The following LRRC7 variants were observed in gnomAD, a reference collection of about 807,000 sequenced individuals.
The protein encoded by LRRC7 is leucine-rich repeat-containing protein 7.
In LRRC7, 23 loss-of-function variants were observed where a neutral mutation model predicts 175.7. That is an observed-to-expected ratio of 0.13 (90% CI 0.09 to 0.19). The LOEUF (loss-of-function observed/expected upper bound fraction) is 0.19. Ranked by LOEUF, LRRC7 falls within the 10% of genes least tolerant of loss-of-function variation. LRRC7 has a pLI of 1.00. For missense variants in LRRC7, 1,354 were observed against 1,904.7 expected, an observed-to-expected ratio of 0.71 and a Z score of 5.38; for synonymous variants, 685 against 680.9, an observed-to-expected ratio of 1.01 and a Z score of -0.09.
At chr1:69,573,839 G>C (rs1392707267) in intron 1 of LRRC7, among the ~76,000 whole-genome samples, 1 of 152,134 alleles carries the variant, frequency 6.6e-6, no homozygotes, top group Non-Finnish European at 1.5e-5. Flanking sequence ...AATAGTAGTT[G>C]TCAGGGATGA....
At chr1:69,781,778 AAAGAAAGAAAGGAAGGAAGG>A (rs1673661722) in intron 3 of LRRC7, among the ~76,000 whole-genome samples, 5 of 61,414 alleles carry the variant, frequency 8.1e-5, no homozygotes, top group African/African-American at 2.3e-4. Context: ...AGAAAGAAAG[AAAGAAAGAAAGGAAGGAAGG>A]AAGGAAGGAA....
intron 2 of LRRC7, among the ~76,000 whole-genome samples, chr1:69,723,712 A>G (rs1307521285): frequency 6.6e-6 from 1 of 152,134 alleles, no homozygotes; most frequent in Non-Finnish European, 1.5e-5. Flanking sequence ...TATTTCTTAC[A>G]GTTCTGGAGG....
At chr1:70,088,731 G>T (rs191733929) in intron 24 of LRRC7, among the ~76,000 whole-genome samples, 2 of 151,946 alleles carry the variant, frequency 1.3e-5, no homozygotes, top group African/African-American at 4.8e-5. Flanking sequence ...TCCTGCTCAG[G>T]GTCTCCAGGA....
intron 2 of LRRC7, among the ~76,000 whole-genome samples, chr1:69,690,514 G>T (rs1455060651): frequency 6.6e-6 from 1 of 152,054 alleles, no homozygotes; most frequent in Admixed American, 6.6e-5. Flanking sequence ...GGATTTTTTT[G>T]AATAAAATTT....
intron 4 of LRRC7, among the ~76,000 whole-genome samples, chr1:69,801,388 T>C (rs1412253856): frequency 6.6e-6 from 1 of 151,748 alleles, no homozygotes; most frequent in South Asian, 2.1e-4. Context: ...TGATTCTATC[T>C]CACCACTCAT....
At chr1:69,894,971 A>G (rs1188425683) in intron 7 of LRRC7, among the ~76,000 whole-genome samples, 1 of 152,224 alleles carries the variant, frequency 6.6e-6, no homozygotes, top group Non-Finnish European at 1.5e-5. Context: ...TCACACCTGT[A>G]ATCCCAGCAC....
Position 69,568,296 on chromosome 1 carries a change from C to CGCTGCT in LRRC7, c.-338_-333dup. ...CCTCCGCCACCGCCGCCGCCGCCGC[C>CGCTGCT]GCTGCTGCTGCGGTCGCTAGCGCGG... On this transcript the variant is annotated 5_prime_UTR_variant, in exon 1 of 27. Transcript: ENST00000651989. The CGCTGCT allele has an allele frequency of 5.1e-6, 1 of 196,540 alleles. No individual in the cohort carries two copies. Among genetic ancestry groups the CGCTGCT allele is most frequent in the Non-Finnish European group, 1.0e-5 (1 of 99,918 alleles). 12.2% of individuals were successfully genotyped at this position (196,540 alleles called of 1,614,324 possible).
chr1:69,611,215 CT>C (rs1321997897), intron 1 of LRRC7, among the ~76,000 whole-genome samples: 4 of 151,892 alleles, frequency 2.6e-5, no homozygotes, highest in African/African-American at 7.2e-5. Flanking sequence ...CCACCTTTAT[CT>C]TTTTTTCATA....
intron 7 of LRRC7, among the ~76,000 whole-genome samples, chr1:69,875,481 G>C (rs1187676090): frequency 2.6e-5 from 4 of 151,958 alleles, no homozygotes; most frequent in African/African-American, 4.8e-5. Context: ...GATTATAAAA[G>C]TAAAAGGTTA....
At chr1:69,719,616 A>G (rs1479468364) in intron 2 of LRRC7, among the ~76,000 whole-genome samples, 5 of 151,602 alleles carry the variant, frequency 3.3e-5, no homozygotes, top group Admixed American at 6.6e-5. Flanking sequence ...AAATCTTTTT[A>G]AACTGTTTTT....
At chr1:69,737,580 T>G (rs941979654) in intron 2 of LRRC7, among the ~76,000 whole-genome samples, 12 of 152,234 alleles carry the variant, frequency 7.9e-5, no homozygotes, top group African/African-American at 2.9e-4. Flanking sequence ...CCCACATGGC[T>G]GCAGAGTGAC....
At chr1:70,036,073 A>C (rs771020409) in intron 18 of LRRC7, 48 bp from the exon 19 acceptor site, 10 of 1,452,076 alleles carry the variant, frequency 6.9e-6, no homozygotes, top group Non-Finnish European at 9.4e-6. Context: ...TTGGTTAACC[A>C]TTGTTTAAAT....
At chr1:70,049,322 T>G (rs951181075) in intron 22 of LRRC7, among the ~76,000 whole-genome samples, 6 of 152,142 alleles carry the variant, frequency 3.9e-5, no homozygotes, top group African/African-American at 1.2e-4. Context: ...TGTCCTTTCT[T>G]TCTGGATATA....
intron 7 of LRRC7, among the ~76,000 whole-genome samples, chr1:69,840,833 G>A (rs1681639384): frequency 6.6e-6 from 1 of 151,954 alleles, no homozygotes; most frequent in Admixed American, 6.6e-5. Flanking sequence ...TAACTAGATT[G>A]CCAAAAGGAA....
intron 1 of LRRC7, among the ~76,000 whole-genome samples, chr1:69,635,015 T>C (rs904125203): frequency 1.3e-5 from 2 of 152,086 alleles, no homozygotes; most frequent in African/African-American, 2.4e-5. Flanking sequence ...TTACGGGGGT[T>C]TGTTGTACAG....
chr1:70,042,149 T>A (rs1659956405), intron 21 of LRRC7, among the ~76,000 whole-genome samples: 1 of 152,224 alleles, frequency 6.6e-6, no homozygotes, highest in African/African-American at 2.4e-5. Flanking sequence ...TCTTTTGTTT[T>A]CGCCAAGTCA....
At chr1:69,853,386 C>T (rs966247301) in intron 7 of LRRC7, among the ~76,000 whole-genome samples, 1 of 142,170 alleles carries the variant, frequency 7.0e-6, no homozygotes, top group African/African-American at 2.6e-5. Context: ...TCAAGCGATT[C>T]TCCTGCGTCA....
At position 69,828,131 on chromosome 1, in the gene LRRC7, G is replaced by A. The variant is rs538096318; in HGVS notation, c.500+2305G>A. ...CTTCATTCCCCTTTATTCCCAGGTA[G>A]TATTCCATTGTATGGCTATAACATT... On this transcript the variant is annotated intron_variant, in intron 5 of 26. Coordinates refer to ENST00000651989, the MANE Select transcript of LRRC7 (RefSeq NM_001370785.2). Among the ~76,000 whole-genome samples the A allele has an allele frequency of 9.5e-4, 144 of 152,126 alleles. 4 individuals are homozygous for A. In the South Asian group the frequency reaches 0.023, roughly 25 times the overall value.
intron 8 of LRRC7, among the ~76,000 whole-genome samples, chr1:69,953,576 CA>C (rs1650174414): frequency 6.6e-6 from 1 of 152,060 alleles, no homozygotes; most frequent in African/African-American, 2.4e-5. Flanking sequence ...TTCAGTGCAT[CA>C]AGTGCTGTTG....
Sources: gnomAD v4.1 joint callset for allele counts (sites outside exome capture counted in the v4.1 genomes callset) on GRCh38, gnomAD v4.1.1 for gene constraint, MANE v1.5 for transcripts, NCBI Gene and HGNC (gene_info 2026-07-23, HGNC 2026-07-21) for gene names.